The following BANK1 variants were observed in gnomAD, a reference collection of about 807,000 sequenced individuals.
BANK1 encodes the protein B-cell scaffold protein with ankyrin repeats.
BANK1 carries 95 observed loss-of-function variants against 94.5 expected under a neutral mutation model. The observed-to-expected ratio is 1.00, with a 90% CI of 0.85 to 1.19. The LOEUF (loss-of-function observed/expected upper bound fraction) is 1.19. Ranked by LOEUF, BANK1 falls within the 50% of genes most tolerant of loss-of-function variation. The probability of loss-of-function intolerance (pLI) is 0.00; values close to 1 mark genes in which losing one functional copy is unlikely to be tolerated. For missense variants in BANK1, 987 were observed against 932.2 expected, an observed-to-expected ratio of 1.06 and a Z score of -0.77; for synonymous variants, 334 against 308.4, an observed-to-expected ratio of 1.08 and a Z score of -0.87.
chr4:101,978,025 G>T (rs555748445), intron 7 of BANK1, among the ~76,000 whole-genome samples: 6 of 151,906 alleles, frequency 3.9e-5, no homozygotes, highest in African/African-American at 1.2e-4. Context: ...GTGCAATGGT[G>T]CAATCTTGGC....
intron 1 of BANK1, among the ~76,000 whole-genome samples, chr4:101,823,178 T>C (rs1211671992): frequency 6.6e-6 from 1 of 152,176 alleles, no homozygotes; most frequent in African/African-American, 2.4e-5. Context: ...CATTTTTTCT[T>C]CCCTTAATAC....
intron 7 of BANK1, among the ~76,000 whole-genome samples, chr4:101,962,764 T>A (rs951234213): frequency 1.3e-5 from 2 of 152,162 alleles, no homozygotes; most frequent in Non-Finnish European, 2.9e-5. Flanking sequence ...GGTCAATATA[T>A]TTTTAAAATA....
rs773468425 is a variant in BANK1 at position 102,030,101 on chromosome 4, C to T, written c.1736C>T (p.Thr579Ile). 6.2e-7 allele frequency: 1 copy of T among 1,613,964 alleles called. No individual in the cohort carries two copies. The change falls in exon 10 of 17, where the codon ACT (threonine) becomes ATT (isoleucine). Residue 579 changes from threonine to isoleucine, a missense_variant. Coordinates refer to ENST00000322953, the MANE Select transcript of BANK1 (RefSeq NM_017935.5). ...KEQEEEEDPY[T>I]FAEIDDSEYD... Reference sequence around the variant, plus strand: ...CAGGAGGAGGAAGAAGACCCATATACTTTTGCTGAGATTGATGACAGTGAA... The same window carrying T: ...CAGGAGGAGGAAGAAGACCCATATATTTTTGCTGAGATTGATGACAGTGAA...
At position 101,820,640 on chromosome 4, in the gene BANK1, A is replaced by G. The variant is rs566811019; in HGVS notation, c.71-9168A>G. Among the ~76,000 whole-genome samples the G allele has an allele frequency of 1.7e-4, 26 of 152,188 alleles. 1 individual carries two copies. The highest frequency in any genetic ancestry group is 4.1e-4 in the South Asian group (2 of 4,820). ...TCCCTCCTCCCACCCTCCACCTTCA[A>G]GCATACCCCAGTGACTGTTGTTTCC... On this transcript the variant is annotated intron_variant, in intron 1 of 16. Transcript: ENST00000322953.
chr4:101,881,704 A>G (rs1245160985), intron 5 of BANK1, among the ~76,000 whole-genome samples: 2 of 152,148 alleles, frequency 1.3e-5, no homozygotes, highest in African/African-American at 2.4e-5. Context: ...AGCAAATGTC[A>G]TACTTATACA....
At chr4:101,959,788 C>T (rs970632030) in intron 7 of BANK1, among the ~76,000 whole-genome samples, 2 of 152,126 alleles carry the variant, frequency 1.3e-5, no homozygotes, top group African/African-American at 2.4e-5. Context: ...TCATGAGCTA[C>T]GTTGACGAGA....
At chr4:101,988,106 C>T (rs1351988559) in intron 7 of BANK1, among the ~76,000 whole-genome samples, 1 of 152,112 alleles carries the variant, frequency 6.6e-6, no homozygotes, top group Non-Finnish European at 1.5e-5. Context: ...GTGGTTGCTA[C>T]CAAAACCGAG....
At chr4:102,035,647 CAAAAAA>C (rs10539905) in intron 10 of BANK1, among the ~76,000 whole-genome samples, 1 of 125,040 alleles carries the variant, frequency 8.0e-6, no homozygotes, top group Non-Finnish European at 1.8e-5. Context: ...GACTCCGTCT[CAAAAAA>C]AAAAAAAAAA....
At chr4:101,859,669 T>C (rs1277189180) in intron 3 of BANK1, among the ~76,000 whole-genome samples, 2 of 151,916 alleles carry the variant, frequency 1.3e-5, no homozygotes, top group East Asian at 3.9e-4. Flanking sequence ...CTCCCGGGAG[T>C]TGAGGAAGCT....
chr4:101,994,491 T>C (rs2148933402), intron 7 of BANK1, among the ~76,000 whole-genome samples: 1 of 152,336 alleles, frequency 6.6e-6, no homozygotes, highest in South Asian at 2.1e-4. Flanking sequence ...TCCTAATTAA[T>C]TGATAGAATC....
At chr4:101,888,838 CAG>C (rs960812863) in intron 5 of BANK1, among the ~76,000 whole-genome samples, 1 of 152,190 alleles carries the variant, frequency 6.6e-6, no homozygotes. Context: ...TATCCTTTTA[CAG>C]CACTCCAGTG....
At chr4:101,917,948 C>T (rs1469837577) in intron 6 of BANK1, 45 bp from the exon 7 acceptor site, 11 of 1,394,476 alleles carry the variant, frequency 7.9e-6, no homozygotes, top group Non-Finnish European at 9.9e-6. Flanking sequence ...ATGAGATTGC[C>T]AATAAAATGA....
chr4:101,945,629 C>T (rs890013403), intron 7 of BANK1, among the ~76,000 whole-genome samples: 1 of 151,868 alleles, frequency 6.6e-6, no homozygotes, highest in Non-Finnish European at 1.5e-5. Context: ...ATGTGGGCTA[C>T]ATGTTCCTAC....
Position 101,790,841 on chromosome 4 carries a change from C to T in BANK1, c.-40C>T, listed in dbSNP as rs1021160633. On this transcript the variant is annotated 5_prime_UTR_variant, in exon 1 of 17. Coordinates refer to ENST00000322953, the MANE Select transcript of BANK1 (RefSeq NM_017935.5). ...CCGGGAGAGTCCAGGTAGCGCTCGG[C>T]GGGCAGCAGTGCGCAGGCCCCTCGG... 1 of 1,527,568 alleles carries T rather than the reference C, an allele frequency of 6.5e-7. No individual in the cohort carries two copies. The highest frequency in any genetic ancestry group is 8.8e-7 in the Non-Finnish European group (1 of 1,138,548). 94.6% of individuals were successfully genotyped at this position (1,527,568 alleles called of 1,614,324 possible).
intron 6 of BANK1, among the ~76,000 whole-genome samples, chr4:101,915,914 C>T (rs1722812853): frequency 6.6e-6 from 1 of 151,954 alleles, no homozygotes; most frequent in Non-Finnish European, 1.5e-5. Context: ...GTTCTCCTGT[C>T]AGAGAGCAAA....
intron 1 of BANK1, among the ~76,000 whole-genome samples, chr4:101,804,495 T>TA (rs1725487057): frequency 6.6e-6 from 1 of 152,108 alleles, no homozygotes; most frequent in Non-Finnish European, 1.5e-5. Context: ...GTACCACTAG[T>TA]GATGCTGGTA....
chr4:101,893,774 A>G (rs1293119717), intron 5 of BANK1, among the ~76,000 whole-genome samples: 3 of 152,082 alleles, frequency 2.0e-5, no homozygotes, highest in African/African-American at 2.4e-5. Context: ...AAACCTAAAT[A>G]AGTTTAATTT....
intron 1 of BANK1, among the ~76,000 whole-genome samples, chr4:101,810,788 G>A (rs1725710558): frequency 6.6e-6 from 1 of 152,158 alleles, no homozygotes; most frequent in Non-Finnish European, 1.5e-5. Flanking sequence ...GGGATACAAA[G>A]AGCACAGGAT....
At chr4:102,065,884 TAA>T (rs1029299551) in intron 13 of BANK1, among the ~76,000 whole-genome samples, 19 of 152,052 alleles carry the variant, frequency 1.2e-4, no homozygotes, top group Non-Finnish European at 1.8e-4. Flanking sequence ...TTCAGAGAGA[TAA>T]AAAGACTTTG....
Sources: gnomAD v4.1 joint callset for allele counts (sites outside exome capture counted in the v4.1 genomes callset) on GRCh38, gnomAD v4.1.1 for gene constraint, MANE v1.5 for transcripts, NCBI Gene and HGNC (gene_info 2026-07-23, HGNC 2026-07-21) for gene names.